PPP2R5C: variants seen among roughly 807,000 people sequenced by gnomAD.
PPP2R5C encodes serine/threonine-protein phosphatase 2A 56 kDa regulatory subunit gamma isoform.
PPP2R5C carries 7 observed loss-of-function variants against 68.9 expected under a neutral mutation model. The observed-to-expected ratio is 0.10, with a 90% confidence interval of 0.06 to 0.19. The LOEUF is 0.19. PPP2R5C is among the 10% of genes least tolerant of loss of function. The probability of loss-of-function intolerance (pLI) is 1.00; values close to 1 mark genes in which losing one functional copy is unlikely to be tolerated. For missense variants in PPP2R5C, 348 were observed against 641.3 expected (o/e 0.54, Z 4.94); for synonymous variants, 210 against 222.2 (o/e 0.95, Z 0.49).
intron 13 of PPP2R5C, among the ~76,000 whole-genome samples, chr14:101,924,592 G>A (rs376719716): frequency 1.3e-5 from 2 of 151,698 alleles, no homozygotes; most frequent in African/African-American, 4.8e-5. Context: ...ACAGGCGCGC[G>A]CCACTACACC....
At chr14:101,884,311 C>T (rs773294309) in intron 5 of PPP2R5C, among the ~76,000 whole-genome samples, 10 of 152,202 alleles carry the variant, frequency 6.6e-5, no homozygotes, top group Non-Finnish European at 1.5e-4. Flanking sequence ...TCTCCCAGTC[C>T]ACTGACTCAA....
exon 14 of PPP2R5C, chr14:101,925,257 C>A (rs763143293): frequency 1.4e-5 from 23 of 1,613,054 alleles, no homozygotes; most frequent in Non-Finnish European, 1.9e-5. Flanking sequence ...AGCTGGCCTC[C>A]CAGGACGGCC....
intron 1 of PPP2R5C, among the ~76,000 whole-genome samples, chr14:101,817,604 A>G (rs2039799606): frequency 6.6e-6 from 1 of 152,148 alleles, no homozygotes. Context: ...AGATAAAACC[A>G]AAGTTTCCTC....
chr14:101,818,871 G>T, intron 1 of PPP2R5C: 1 of 732,026 alleles, frequency 1.4e-6, no homozygotes, highest in Non-Finnish European at 2.3e-6. Flanking sequence ...TGTCATCGAT[G>T]TATGTGACCT....
At chr14:101,898,094 A>G (rs1281158967) in intron 8 of PPP2R5C, among the ~76,000 whole-genome samples, 1 of 152,216 alleles carries the variant, frequency 6.6e-6, no homozygotes, top group African/African-American at 2.4e-5. Flanking sequence ...CAGGGGGTCA[A>G]GGCTGCAGTG....
At chr14:101,889,132 T>C (rs1262020487) in intron 5 of PPP2R5C, among the ~76,000 whole-genome samples, 1 of 152,266 alleles carries the variant, frequency 6.6e-6, no homozygotes, top group Non-Finnish European at 1.5e-5. Context: ...ATTTCACATC[T>C]GTGGATGTTA....
intron 3 of PPP2R5C, among the ~76,000 whole-genome samples, chr14:101,787,648 T>G (rs1391227805): frequency 6.6e-6 from 1 of 151,472 alleles, no homozygotes; most frequent in Non-Finnish European, 1.5e-5. Context: ...GCGCCTGTAG[T>G]CCCAGCTACT....
chr14:101,806,140 G>C (rs772250654), upstream of PPP2R5C, among the ~76,000 whole-genome samples: 1 of 150,096 alleles, frequency 6.7e-6, no homozygotes, highest in East Asian at 2.0e-4. Flanking sequence ...TGTGTAGAAC[G>C]TGCAGGTTTG....
chr14:101,761,938 C>T lies in PPP2R5C; in HGVS notation c.27+18C>T. On this transcript the variant is annotated intron_variant, in intron 1 of 14. Coordinates refer to the PPP2R5C transcript ENST00000328724. ...AGGAGAAAGTGAGTCCGGGCCCGGC[C>T]GCGGGACGGAGGGAGCAGGGAGGGA... 1 of 1,191,620 alleles carries T rather than the reference C, an allele frequency of 8.4e-7. No individual in the cohort carries two copies. 73.8% of individuals were successfully genotyped at this position (1,191,620 alleles called of 1,614,324 possible).
intron 1 of PPP2R5C, chr14:101,844,117 A>G (rs1400856927): frequency 6.8e-6 from 1 of 147,424 alleles, no homozygotes; most frequent in Non-Finnish European, 1.5e-5. Context: ...TCTTAAAGTG[A>G]TTATCTGTTT....
At chr14:101,849,797 T>G (rs2042046255) in intron 1 of PPP2R5C, among the ~76,000 whole-genome samples, 1 of 149,320 alleles carries the variant, frequency 6.7e-6, no homozygotes, top group Non-Finnish European at 1.5e-5. Flanking sequence ...TTTTCCTCAC[T>G]CCTCTGCAAC....
intron 13 of PPP2R5C, among the ~76,000 whole-genome samples, chr14:101,919,655 G>A (rs527457754): frequency 1.3e-5 from 2 of 152,200 alleles, no homozygotes; most frequent in African/African-American, 2.4e-5. Context: ...TTTAAGACAC[G>A]AGGCTATACA....
At chr14:101,779,218 G>A (rs2037559506) in intron 2 of PPP2R5C, among the ~76,000 whole-genome samples, 1 of 152,170 alleles carries the variant, frequency 6.6e-6, no homozygotes, top group African/African-American at 2.4e-5. Flanking sequence ...CTGTGTGAAG[G>A]AGACGCAGCA....
intron 13 of PPP2R5C, among the ~76,000 whole-genome samples, chr14:101,918,412 GC>G (rs1262644664): frequency 2.2e-5 from 1 of 45,510 alleles, no homozygotes; most frequent in Non-Finnish European, 4.3e-5. Flanking sequence ...CTCCCCCCTT[GC>G]CCCCTCACCC....
intron 2 of PPP2R5C, among the ~76,000 whole-genome samples, chr14:101,873,339 A>C (rs540235949): frequency 1.8e-4 from 27 of 152,180 alleles, no homozygotes; most frequent in Admixed American, 7.9e-4. Context: ...TGCTTTGTTG[A>C]GTGCTATATC....
intron 13 of PPP2R5C, chr14:101,921,045 T>C (rs2046972491): frequency 6.1e-6 from 1 of 163,346 alleles, no homozygotes; most frequent in Non-Finnish European, 1.3e-5. Flanking sequence ...TTTGAAATGA[T>C]AAATTCTGCT....
Position 101,835,885 on chromosome 14 carries a change from A to G in PPP2R5C, c.95-20801A>G, listed in dbSNP as rs1163572460. On this transcript the variant is annotated intron_variant, in intron 1 of 13. Coordinates refer to ENST00000334743, the Ensembl canonical transcript of PPP2R5C. The surrounding 1 kb of genome is among the most constrained non-coding windows in gnomAD (Gnocchi z 5.0). ...TCTCTGTAGACCTCTGTCCTTGTCT[A>G]TCTAATGGGGATGATGGTAGCCCCT... Among the ~76,000 whole-genome samples the G allele has an allele frequency of 6.6e-6, 1 of 152,152 alleles. No homozygotes were observed. Among genetic ancestry groups the G allele is most frequent in the Non-Finnish European group, 1.5e-5 (1 of 68,020 alleles).
intron 2 of PPP2R5C, among the ~76,000 whole-genome samples, chr14:101,866,769 T>A (rs1225614261): frequency 6.6e-6 from 1 of 152,304 alleles, no homozygotes; most frequent in East Asian, 1.9e-4. Context: ...CCTTTTACTA[T>A]ACACTTTTGT....
chr14:101,889,102 A>G (rs1861759928), intron 5 of PPP2R5C, among the ~76,000 whole-genome samples: 1 of 152,248 alleles, frequency 6.6e-6, no homozygotes, highest in Non-Finnish European at 1.5e-5. Context: ...TAGAAATGTT[A>G]AGACCCATTC....
Sources: allele counts gnomAD v4.1 joint callset (sites outside exome capture counted in the v4.1 genomes callset), GRCh38; gene constraint gnomAD v4.1.1; non-coding constraint Gnocchi (gnomAD v3.1); transcripts MANE v1.5; gene names NCBI Gene and HGNC (gene_info 2026-07-23, HGNC 2026-07-21).